WWTR1: variants seen among roughly 807,000 people sequenced by gnomAD.
WWTR1 encodes WW domain containing transcription regulator 1, also known as WW domain-containing transcription regulator protein 1.
WWTR1 carries 13 observed loss-of-function variants against 40.1 expected under a neutral mutation model. The ratio of observed to expected loss-of-function variants is 0.32; its 90% CI spans 0.21 to 0.52. The LOEUF (loss-of-function observed/expected upper bound fraction) is 0.52, where lower values mean the gene tolerates loss of function less well. WWTR1 is among the 20% of genes least tolerant of loss of function. The pLI is 0.97. For synonymous variants in WWTR1, 230 were observed against 210.1 expected (o/e 1.09, Z -0.82); for missense variants, 436 against 523.1 (o/e 0.83, Z 1.63).
chr3:149,603,092 T>C (rs912896017), intron 2 of WWTR1, among the ~76,000 whole-genome samples: 56 of 152,196 alleles, frequency 3.7e-4, no homozygotes, highest in Non-Finnish European at 7.4e-5. Flanking sequence ...TGGGCAAGAA[T>C]TTTTAAGATC....
intron 3 of WWTR1, among the ~76,000 whole-genome samples, chr3:149,546,415 G>GT (rs1487454392): frequency 2.6e-5 from 4 of 152,208 alleles, no homozygotes; most frequent in Non-Finnish European, 1.5e-5. Flanking sequence ...TGATTCCAAT[G>GT]TTTCTTAGAG....
At chr3:149,622,502 G>GAAAGA (rs1553800284) in intron 2 of WWTR1, among the ~76,000 whole-genome samples, 3,473 of 46,072 alleles carry the variant, frequency 0.075, 254 homozygotes, top group Middle Eastern at 0.18. Flanking sequence ...AGGAAGGAAG[G>GAAAGA]AAGAAAGAAA....
intron 2 of WWTR1, among the ~76,000 whole-genome samples, chr3:149,586,983 A>C (rs1016566427): frequency 3.9e-5 from 6 of 152,196 alleles, no homozygotes; most frequent in Admixed American, 3.9e-4. Context: ...GTTCATCTGA[A>C]TCCCTTGTAA....
intron 1 of WWTR1, among the ~76,000 whole-genome samples, chr3:149,676,983 C>T (rs1209310698): frequency 6.6e-6 from 1 of 150,982 alleles, no homozygotes; most frequent in Non-Finnish European, 1.5e-5. Flanking sequence ...ATGGGGCGAT[C>T]TTGGCTCACT....
At chr3:149,656,698 C>T (rs1713220959) in intron 2 of WWTR1, among the ~76,000 whole-genome samples, 178 bp downstream of exon 2, 1 of 152,076 alleles carries the variant, frequency 6.6e-6, no homozygotes, top group Non-Finnish European at 1.5e-5. Context: ...CTCAGAGACT[C>T]ACTCCCTGCT....
At chr3:149,571,082 TATG>T (rs1235613280) in intron 3 of WWTR1, among the ~76,000 whole-genome samples, 1 of 152,164 alleles carries the variant, frequency 6.6e-6, no homozygotes, top group Non-Finnish European at 1.5e-5. Context: ...GAACAGTGGT[TATG>T]ATATGCTAAC....
intron 4 of WWTR1, among the ~76,000 whole-genome samples, chr3:149,719,091 G>C (rs1188200764): frequency 6.6e-6 from 1 of 151,930 alleles, no homozygotes; most frequent in Non-Finnish European, 1.5e-5. Context: ...CTCCCATAGG[G>C]CTGGGATTAC....
intron 4 of WWTR1, 109 bp from the exon 5 acceptor site, chr3:149,528,078 C>T (rs1735413406): frequency 3.7e-6 from 5 of 1,369,404 alleles, no homozygotes; most frequent in Admixed American, 2.7e-5. Context: ...TGTGTATTTA[C>T]TCCCAGCAAG....
At chr3:149,643,031 G>A (rs1712274932) in intron 2 of WWTR1, among the ~76,000 whole-genome samples, 1 of 152,064 alleles carries the variant, frequency 6.6e-6, no homozygotes, top group Admixed American at 6.6e-5. Context: ...TCCCAAATTA[G>A]CAAAATACAG....
chr3:149,658,909 G>A (rs1288665253), upstream of WWTR1, among the ~76,000 whole-genome samples: 1 of 152,158 alleles, frequency 6.6e-6, no homozygotes, highest in Admixed American at 6.5e-5. Context: ...CCTGGAGCCG[G>A]GATGGAACCC....
chr3:149,643,286 T>A (rs1488363749), intron 2 of WWTR1, among the ~76,000 whole-genome samples: 1 of 152,180 alleles, frequency 6.6e-6, no homozygotes. Context: ...TTTGGAACCA[T>A]AAATTTTTTA....
At chr3:149,563,653 T>C (rs1469080512) in intron 3 of WWTR1, among the ~76,000 whole-genome samples, 2 of 152,240 alleles carry the variant, frequency 1.3e-5, no homozygotes, top group African/African-American at 4.8e-5. Context: ...CCTTTTCAGA[T>C]AAATTAAAGA....
In WWTR1 at chr3:149,686,849, C is replaced by T. The variant is rs149017806; in HGVS notation, c.-108+16275G>A. Among the ~76,000 whole-genome samples, 37 of 152,278 alleles carry T rather than the reference C, an allele frequency of 2.4e-4. 1 individual carries two copies. The East Asian group carries it at 6.8e-3, about 28-fold the overall frequency. ...TCTCTTCTCTCATTGCTATCCACCCCGCTTCTGAACTATGGGAGTTCTGAG... is the reference window on the plus strand; with the variant it reads ...TCTCTTCTCTCATTGCTATCCACCCTGCTTCTGAACTATGGGAGTTCTGAG... On this transcript the variant is annotated intron_variant, in intron 1 of 7. Transcript: ENST00000465804.
chr3:149,571,905 C>CA (rs144659902), intron 3 of WWTR1, among the ~76,000 whole-genome samples: 1 of 152,012 alleles, frequency 6.6e-6, no homozygotes, highest in Non-Finnish European at 1.5e-5. Flanking sequence ...GAATGATTAC[C>CA]AAAAAAGCTG....
intron 1 of WWTR1, among the ~76,000 whole-genome samples, chr3:149,688,020 C>T (rs1229727810): frequency 6.6e-6 from 1 of 151,108 alleles, no homozygotes; most frequent in Non-Finnish European, 1.5e-5. Flanking sequence ...GAGACTTCTG[C>T]TTGAGGAAAA....
At chr3:149,523,503 C>T (rs1735158247) in intron 6 of WWTR1, among the ~76,000 whole-genome samples, 1 of 152,202 alleles carries the variant, frequency 6.6e-6, no homozygotes, top group African/African-American at 2.4e-5. Flanking sequence ...CCACCTCGGC[C>T]TACCAAAGTG....
In WWTR1 at chr3:149,518,486, C is replaced by T. The variant is rs1178827439; in HGVS notation, c.*2319G>A. 6.6e-6 allele frequency: 1 copy of T among 151,884 alleles called. No homozygotes were observed. The highest frequency in any genetic ancestry group is 2.4e-5 in the African/African-American group (1 of 41,334). 9.4% of individuals were successfully genotyped at this position (151,884 alleles called of 1,614,324 possible). A position where few individuals can be genotyped will look rare whatever the true frequency, so the allele number is the denominator to read the frequency against. The stretch of plus-strand genomic sequence containing the variant: ...TTTATTTATTTTTAGCAAGAATGTA[C>T]AATTCTTTTTGCAATTTTTTGCTAA... On this transcript the variant is annotated 3_prime_UTR_variant, in exon 7 of 7. Coordinates refer to ENST00000360632, the MANE Select transcript of WWTR1 (RefSeq NM_015472.6).
chr3:149,681,198 C>T (rs1445959508), intron 1 of WWTR1, among the ~76,000 whole-genome samples: 1 of 152,184 alleles, frequency 6.6e-6, no homozygotes, highest in Non-Finnish European at 1.5e-5. Context: ...TAAATAAATA[C>T]TCAGAAGTAG....
At chr3:149,722,360 T>C (rs919739898) in intron 4 of WWTR1, among the ~76,000 whole-genome samples, 1 of 152,162 alleles carries the variant, frequency 6.6e-6, no homozygotes, top group South Asian at 2.1e-4. Context: ...ACATTTATTG[T>C]TTTTTTAATG....
Sources: allele counts gnomAD v4.1 joint callset (sites outside exome capture counted in the v4.1 genomes callset), GRCh38; gene constraint gnomAD v4.1.1; transcripts MANE v1.5; gene names NCBI Gene and HGNC (gene_info 2026-07-23, HGNC 2026-07-21).